The following OR1J2 variants were observed in gnomAD, a reference collection of about 807,000 sequenced individuals.
OR1J2 encodes the protein olfactory receptor 1J2.
For synonymous variants in OR1J2, 142 were observed against 99.7 expected, an observed-to-expected ratio of 1.42 and a Z score of -2.52; for missense variants, 304 against 246.1, an observed-to-expected ratio of 1.24 and a Z score of -1.57.
rs1267985673 is a variant in OR1J2 at position 122,510,980 on chromosome 9, A to T, written c.179A>T (p.Tyr60Phe). Residue 60 changes from tyrosine (Y) to phenylalanine (F), a missense_variant, in exon 1 of 1, where the codon TAC (tyrosine) becomes TTC (phenylalanine). Physicochemically the swap from Tyr to Phe is conservative, Grantham distance 22. Coordinates refer to ENST00000335302, the MANE Select transcript of OR1J2 (RefSeq NM_054107.1). The stretch of plus-strand genomic sequence containing the variant: ...GACTCTCACCTTCACACCCCCATGT[A>T]CTTCTTCCTCAGCCACTTGGCTCTC... ...QLDSHLHTPM[Y>F]FFLSHLALTD... The T allele has an allele frequency of 6.2e-7, 1 of 1,611,504 alleles. No homozygotes were observed. Among genetic ancestry groups the T allele is most frequent in the Admixed American group, 1.7e-5 (1 of 59,968 alleles).
chr9:122,479,809 A>C, the OR1J2 span, among the ~76,000 whole-genome samples: 1 of 152,190 alleles, frequency 6.6e-6, no homozygotes, highest in African/African-American at 2.4e-5. Flanking sequence ...TATCATAACC[A>C]ACTAATGCAT....
At chr9:122,519,465 GA>G in the OR1J2 span, 1 of 1,614,034 alleles carries the variant, frequency 6.2e-7, no homozygotes, top group Non-Finnish European at 8.5e-7. Flanking sequence ...ATTTTTCACT[GA>G]TCTAGACAAT....
the OR1J2 span, among the ~76,000 whole-genome samples, chr9:122,557,743 C>G: frequency 6.6e-6 from 1 of 151,984 alleles, no homozygotes; most frequent in Non-Finnish European, 1.5e-5. Flanking sequence ...AAAGTTCTTT[C>G]TTACTCTATT....
At chr9:122,561,224 G>C in the OR1J2 span, among the ~76,000 whole-genome samples, 2 of 152,078 alleles carry the variant, frequency 1.3e-5, no homozygotes, top group African/African-American at 4.8e-5. Context: ...GATTGTTCTA[G>C]TTAGCAGCTC....
At chr9:122,477,412 T>C in the OR1J2 span, 1 of 1,613,984 alleles carries the variant, frequency 6.2e-7, no homozygotes, top group Non-Finnish European at 8.5e-7. Context: ...AGGGATGATG[T>C]GGTCAGCACA....
At chr9:122,544,333 C>G in the OR1J2 span, among the ~76,000 whole-genome samples, 1 of 150,736 alleles carries the variant, frequency 6.6e-6, no homozygotes. Flanking sequence ...AATATCTGCA[C>G]TAGGTTTTAA....
chr9:122,474,035 C>CT, the OR1J2 span, among the ~76,000 whole-genome samples: 1 of 152,174 alleles, frequency 6.6e-6, no homozygotes, highest in Admixed American at 6.5e-5. Flanking sequence ...GTTACATAAA[C>CT]TAAAAGAACA....
the OR1J2 span, among the ~76,000 whole-genome samples, chr9:122,454,870 T>C: frequency 3.3e-5 from 5 of 152,386 alleles, no homozygotes; most frequent in South Asian, 6.2e-4. Context: ...TTTAGGTTTC[T>C]TTTTAAATAA....
the OR1J2 span, among the ~76,000 whole-genome samples, chr9:122,459,098 T>A: frequency 3.3e-5 from 5 of 152,206 alleles, no homozygotes; most frequent in Non-Finnish European, 7.3e-5. Context: ...CTTAACACAA[T>A]ATCCTCCAGG....
the OR1J2 span, among the ~76,000 whole-genome samples, chr9:122,543,691 G>A: frequency 6.6e-6 from 1 of 152,150 alleles, no homozygotes. Context: ...AGAGGCCATG[G>A]GAAAGTATTC....
chr9:122,483,137 G>A, the OR1J2 span, among the ~76,000 whole-genome samples: 1 of 152,082 alleles, frequency 6.6e-6, no homozygotes, highest in Non-Finnish European at 1.5e-5. Flanking sequence ...TGTCAATTAA[G>A]CATAAATAAA....
chr9:122,459,870 C>T, the OR1J2 span, among the ~76,000 whole-genome samples: 7 of 152,182 alleles, frequency 4.6e-5, no homozygotes, highest in Non-Finnish European at 1.0e-4. Flanking sequence ...CTTGAGTCTC[C>T]AAAGTCTATT....
At chr9:122,521,261 A>G in the OR1J2 span, among the ~76,000 whole-genome samples, 1 of 152,194 alleles carries the variant, frequency 6.6e-6, no homozygotes, top group East Asian at 1.9e-4. Flanking sequence ...GAACTTGTGC[A>G]GACACTCCTG....
At chr9:122,461,944 G>T in the OR1J2 span, among the ~76,000 whole-genome samples, 3 of 152,082 alleles carry the variant, frequency 2.0e-5, no homozygotes, top group East Asian at 1.9e-4. Context: ...TTTGTTCTAG[G>T]GTATAGTTTA....
the OR1J2 span, among the ~76,000 whole-genome samples, chr9:122,550,615 G>T: frequency 1.3e-5 from 2 of 151,224 alleles, no homozygotes; most frequent in Non-Finnish European, 2.9e-5. Flanking sequence ...CAATAAATGT[G>T]ATTCACCACA....
At chr9:122,520,987 A>T in the OR1J2 span, among the ~76,000 whole-genome samples, 10,256 of 152,314 alleles carry the variant, frequency 0.067, 440 homozygotes, top group South Asian at 0.18. Flanking sequence ...AGCAATGTGT[A>T]GCTGCAAGAG....
chr9:122,539,476 G>T, the OR1J2 span, among the ~76,000 whole-genome samples: 319 of 152,216 alleles, frequency 2.1e-3, 1 homozygote, highest in Non-Finnish European at 3.1e-3. Flanking sequence ...AGTATTCCAT[G>T]GTGTATAGGT....
chr9:122,503,349 A>G, the OR1J2 span, among the ~76,000 whole-genome samples: 1 of 152,218 alleles, frequency 6.6e-6, no homozygotes, highest in East Asian at 1.9e-4. Context: ...AAGAATAACA[A>G]CATATTGAGG....
the OR1J2 span, among the ~76,000 whole-genome samples, chr9:122,465,243 TGA>T: frequency 4.6e-5 from 7 of 152,156 alleles, no homozygotes; most frequent in Non-Finnish European, 1.0e-4. Context: ...GGACAGGCAA[TGA>T]GAGTGCAGAT....
Sources: gnomAD v4.1 joint callset for allele counts (sites outside exome capture counted in the v4.1 genomes callset) on GRCh38, gnomAD v4.1.1 for gene constraint, MANE v1.5 for transcripts, NCBI Gene and HGNC (gene_info 2026-07-23, HGNC 2026-07-21) for gene names.